The following ACOT7 variants were observed in gnomAD, a reference collection of about 807,000 sequenced individuals.
ACOT7 encodes cytosolic acyl coenzyme A thioester hydrolase.
In ACOT7, 12 loss-of-function variants were observed where a neutral mutation model predicts 40.2. The ratio of observed to expected loss-of-function variants is 0.30; its 90% CI spans 0.19 to 0.48. The LOEUF is 0.48. Among genes scored for constraint, ACOT7 ranks in the 20% least tolerant of loss-of-function variants. The pLI is 0.99. For missense variants in ACOT7, 395 were observed against 530.8 expected (o/e 0.74, Z 2.51); for synonymous variants, 228 against 219.5 (o/e 1.04, Z -0.34).
At chr1:6,336,184 A>T (rs999018891) in intron 3 of ACOT7, among the ~76,000 whole-genome samples, 3 of 152,052 alleles carry the variant, frequency 2.0e-5, no homozygotes, top group African/African-American at 7.2e-5. Context: ...ATACAAAAAA[A>T]TTAGCCAGGC....
chr1:6,283,307 G>A (rs115091833), intron 7 of ACOT7, among the ~76,000 whole-genome samples: 3,506 of 152,268 alleles, frequency 0.023, 64 homozygotes, highest in Middle Eastern at 0.078. Context: ...GATTACAGGC[G>A]TGCACCACCA....
rs767181231 is a variant in ACOT7, at chr1:6,360,619, C to T, written c.144-10753G>A. ...GCCCTGTCGACTTCCTTTCTGAGGACGTTTAGTGACAAGCTTCTCCGAAGC... is the reference window on the plus strand; with the variant it reads ...GCCCTGTCGACTTCCTTTCTGAGGATGTTTAGTGACAAGCTTCTCCGAAGC... On this transcript the variant is annotated intron_variant, in intron 1 of 8. Transcript: ENST00000361521. 1.9e-5 allele frequency: 31 copies of T among 1,614,216 alleles called. 1 individual carries two copies. The Middle Eastern group carries it at 4.9e-4, about 26-fold the overall frequency.
chr1:6,269,927 G>A (rs114326480), intron 8 of ACOT7, among the ~76,000 whole-genome samples: 1,734 of 152,338 alleles, frequency 0.011, 39 homozygotes, highest in African/African-American at 0.038. Flanking sequence ...GCCCAGGGGC[G>A]CCCTTCCAGG....
chr1:6,270,567 A>C (rs1044974213), intron 8 of ACOT7, among the ~76,000 whole-genome samples: 2 of 152,208 alleles, frequency 1.3e-5, no homozygotes, highest in African/African-American at 4.8e-5. Flanking sequence ...GCCTGATGGA[A>C]GGGATGGGGC....
intron 1 of ACOT7, among the ~76,000 whole-genome samples, chr1:6,380,074 C>T (rs1391918412): frequency 6.6e-6 from 1 of 151,102 alleles, no homozygotes; most frequent in Non-Finnish European, 1.5e-5. Flanking sequence ...AAAAAGACAA[C>T]CCAGTGAGTG....
At chr1:6,391,914 T>G (rs1642538956) in intron 1 of ACOT7, among the ~76,000 whole-genome samples, 1 of 151,574 alleles carries the variant, frequency 6.6e-6, no homozygotes, top group Non-Finnish European at 1.5e-5. Context: ...AGGAACCTGA[T>G]GCAGGCTGTC....
intron 1 of ACOT7, among the ~76,000 whole-genome samples, chr1:6,351,772 G>GC (rs1557663647): frequency 6.6e-6 from 1 of 152,236 alleles, no homozygotes; most frequent in Non-Finnish European, 1.5e-5. Context: ...CAGCAGGCTG[G>GC]CCCCCAGGAA....
At chr1:6,334,877 T>G (rs1443952282) in intron 3 of ACOT7, among the ~76,000 whole-genome samples, 1 of 152,216 alleles carries the variant, frequency 6.6e-6, no homozygotes. Context: ...GAGAAGTATC[T>G]GCAAGGATGC....
At position 6,325,033 on chromosome 1, in the gene ACOT7, C is replaced by T. The variant is rs1406939463; in HGVS notation, c.625+2266G>A. On this transcript the variant is annotated intron_variant, in intron 5 of 8. Coordinates refer to ENST00000361521, the MANE Select transcript of ACOT7 (RefSeq NM_007274.4). ...AAAAGCACGGCCTGGGCACTGCCTG[C>T]CCCAGCACGTGCCTCCAGGCCTGTC... Among the ~76,000 whole-genome samples the T allele has an allele frequency of 6.6e-5, 10 of 152,328 alleles. No individual in the cohort carries two copies. The South Asian group carries it at 1.0e-3, about 16-fold the overall frequency.
intron 8 of ACOT7, among the ~76,000 whole-genome samples, chr1:6,270,473 GCTC>G (rs1312863575): frequency 6.6e-6 from 1 of 152,200 alleles, no homozygotes; most frequent in Non-Finnish European, 1.5e-5. Context: ...AGCCTCTGGG[GCTC>G]CCCAAGAATA....
rs1290723932 is a variant in ACOT7 at position 6,265,264 on chromosome 1, G to C, written c.1015-569C>G. On this transcript the variant is annotated intron_variant, in intron 8 of 8. Transcript: ENST00000361521. ...CGGTCACTGCCCCAGAGAGACGTGGGGAAAGCCAGCTGCACACGGTCACCG... is the reference window on the plus strand; with the variant it reads ...CGGTCACTGCCCCAGAGAGACGTGGCGAAAGCCAGCTGCACACGGTCACCG... Among the ~76,000 whole-genome samples the C allele has an allele frequency of 2.0e-5, 3 of 151,806 alleles. No individual in the cohort carries two copies. The East Asian group carries it at 5.8e-4, about 29-fold the overall frequency.
rs12073077 is a variant in ACOT7, at chr1:6,277,212, T to C, written c.1014+3890A>G. On this transcript the variant is annotated intron_variant, in intron 8 of 8. Transcript: ENST00000361521. ...TGGATCGCTGGCCCCTCGTGGTCAC[T>C]GCACTGGTCTCCCTGAACCAGCTGA... Among the ~76,000 whole-genome samples the C allele has an allele frequency of 1.9e-3, 285 of 152,350 alleles. 2 individuals carry two copies. Among genetic ancestry groups the C allele is most frequent in the African/African-American group, 6.4e-3 (268 of 41,582 alleles).
At chr1:6,291,633 C>T (rs1470510781) in intron 7 of ACOT7, among the ~76,000 whole-genome samples, 1 of 152,228 alleles carries the variant, frequency 6.6e-6, no homozygotes, top group Non-Finnish European at 1.5e-5. Context: ...GCTCTTGACA[C>T]CGACTGGGAT....
At chr1:6,334,166 C>G (rs1048123655) in intron 3 of ACOT7, among the ~76,000 whole-genome samples, 3 of 152,176 alleles carry the variant, frequency 2.0e-5, no homozygotes, top group Non-Finnish European at 4.4e-5. Flanking sequence ...TCGTTCTGCC[C>G]GGGGACACGA....
chr1:6,318,047 G>A (rs1640545141), intron 6 of ACOT7, among the ~76,000 whole-genome samples: 2 of 149,910 alleles, frequency 1.3e-5, no homozygotes, highest in Non-Finnish European at 3.0e-5. Flanking sequence ...GCATATTTCT[G>A]TGATTTATTG....
At chr1:6,363,360 T>A (rs1641930494) in intron 1 of ACOT7, among the ~76,000 whole-genome samples, 1 of 151,984 alleles carries the variant, frequency 6.6e-6, no homozygotes, top group Non-Finnish European at 1.5e-5. Context: ...AAAGGGAGTC[T>A]CCCTTTCCCC....
intron 4 of ACOT7, 21 bp from the exon 5 acceptor site, chr1:6,327,434 G>A (rs1471075604): frequency 2.5e-6 from 4 of 1,612,858 alleles, no homozygotes; most frequent in Non-Finnish European, 3.4e-6. Context: ...CCAAAGACAG[G>A]TCAGGCCCAG....
At chr1:6,291,141 G>C (rs957639414) in intron 7 of ACOT7, among the ~76,000 whole-genome samples, 6 of 152,128 alleles carry the variant, frequency 3.9e-5, no homozygotes, top group African/African-American at 1.4e-4. Flanking sequence ...ATTTCTAGTG[G>C]GTTCCCAAAT....
chr1:6,264,702 A>G lies in ACOT7; in HGVS notation c.1015-7T>C. On this transcript the variant is annotated splice_polypyrimidine_tract_variant and splice_region_variant and intron_variant, in intron 8 of 8. Coordinates refer to ENST00000361521, the MANE Select transcript of ACOT7 (RefSeq NM_007274.4). The stretch of plus-strand genomic sequence containing the variant: ...TCTCGTCCTCGGTCTCGGGCTGTGG[A>G]CCACACACAGAGACAGGCAGGTTAG... 6.2e-7 allele frequency: 1 copy of G among 1,612,712 alleles called. No individual in the cohort carries two copies.
Sources: allele counts gnomAD v4.1 joint callset (sites outside exome capture counted in the v4.1 genomes callset), GRCh38; gene constraint gnomAD v4.1.1; transcripts MANE v1.5; gene names NCBI Gene and HGNC (gene_info 2026-07-23, HGNC 2026-07-21).